The following PPP1R14B variants were observed in gnomAD, a reference collection of about 807,000 sequenced individuals.
PPP1R14B encodes the protein protein phosphatase 1 regulatory inhibitor subunit 14B.
A neutral mutation model predicts 14.7 loss-of-function variants in PPP1R14B; 4 were observed. That is an observed-to-expected ratio of 0.27 (90% CI 0.13 to 0.62). The LOEUF (loss-of-function observed/expected upper bound fraction) is 0.62, where lower values mean the gene tolerates loss of function less well. Among genes scored for constraint, PPP1R14B ranks in the 20% least tolerant of loss-of-function variants. The pLI is 0.85. For missense variants in PPP1R14B, 138 were observed against 201.5 expected (o/e 0.68, Z 1.91); for synonymous variants, 76 against 87.3 (o/e 0.87, Z 0.72).
In PPP1R14B at chr11:64,244,782, T is replaced by G. The variant is rs534892368; in HGVS notation, c.416A>C (p.Gln139Pro). 1 of 1,614,034 alleles carries G rather than the reference T, an allele frequency of 6.2e-7. No individual in the cohort carries two copies. The highest frequency in any genetic ancestry group is 1.3e-5 in the African/African-American group (1 of 75,034). Residue 139 changes from glutamine to proline, a missense_variant, in exon 4 of 4, where the codon CAG (glutamine) becomes CCG (proline). Physicochemically the swap from Gln to Pro is moderately conservative, Grantham distance 76. Transcript: ENST00000309318. ...SGLLDKIRGM[Q>P]KLSTPQKK is the part of the protein sequence containing the mutation. ...CTTCTTCTGGGGTGTGCTCAGCTTCTGCATGCCCCGGATCTTGTCCAGCAG... is the reference window on the plus strand; with the variant it reads ...CTTCTTCTGGGGTGTGCTCAGCTTCGGCATGCCCCGGATCTTGTCCAGCAG...
chr11:64,245,311 G>A (rs779843854), intron 1 of PPP1R14B, 24 bp from the exon 2 acceptor site: 63 of 1,590,352 alleles, frequency 4.0e-5, no homozygotes, highest in African/African-American at 2.0e-4. Context: ...GGGGGAGGAG[G>A]GAGAGACATA....
chr11:64,245,635 C>T (rs546589665), intron 1 of PPP1R14B: 3 of 265,232 alleles, frequency 1.1e-5, no homozygotes, highest in Non-Finnish European at 2.1e-5. Flanking sequence ...GCAGCTGTCC[C>T]AGCTTATCAT....
chr11:64,246,212 A>C, intron 1 of PPP1R14B: 1 of 646,620 alleles, frequency 1.5e-6, no homozygotes, highest in Non-Finnish European at 2.6e-6. Flanking sequence ...GATGGGGGGC[A>C]GGGTCCGAGG....
rs1306912802 is a variant in PPP1R14B at position 64,246,400 on chromosome 11, C to A, written c.258+16G>T. On this transcript the variant is annotated intron_variant, in intron 1 of 3. Coordinates refer to ENST00000309318, the MANE Select transcript of PPP1R14B (RefSeq NM_138689.3). The stretch of plus-strand genomic sequence containing the variant: ...CGAGACCGATTTTGGGGTGTCGGCG[C>A]GGGGTGGGAACACACCTGGCAGTCG... 2.5e-6 allele frequency: 4 copies of A among 1,601,232 alleles called. No individual in the cohort carries two copies. Among genetic ancestry groups the A allele is most frequent in the Non-Finnish European group, 3.4e-6 (4 of 1,174,928 alleles).
chr11:64,246,335 G>A (rs1032770049), intron 1 of PPP1R14B, 81 bp downstream of exon 1: 30 of 1,527,278 alleles, frequency 2.0e-5, no homozygotes, highest in Non-Finnish European at 2.5e-5. Context: ...TGACTCCAGT[G>A]ACAGGCGAGC....
chr11:64,246,531 C>T lies in PPP1R14B; in HGVS notation c.143G>A (p.Gly48Asp), dbSNP rs754799280. 3 of 1,609,652 alleles carry T rather than the reference C, an allele frequency of 1.9e-6. No individual in the cohort carries two copies. The highest frequency in any genetic ancestry group is 2.2e-5 in the East Asian group (1 of 44,814). Reference protein sequence around the residue: ...GEGPGGADDEGPVRRQGKVTV... With the variant: ...GEGPGGADDEDPVRRQGKVTV... The stretch of plus-strand genomic sequence containing the variant: ...GACCTTCCCTTGGCGCCTCACTGGG[C>T]CCTCATCGTCCGCCCCGCCCGGGCC... The change falls in exon 1 of 4, where the codon GGC becomes GAC. Residue 48 changes from glycine (G) to aspartate (D), a missense_variant. Physicochemically the swap from Gly to Asp is moderately conservative, Grantham distance 94. Transcript: ENST00000309318.
chr11:64,246,798 G>C lies in PPP1R14B; in HGVS notation c.-125C>G. The C allele has an allele frequency of 1.2e-6, 1 of 837,642 alleles. No individual in the cohort carries two copies. 51.9% of individuals were successfully genotyped at this position (837,642 alleles called of 1,614,324 possible). A position where few individuals can be genotyped will look rare whatever the true frequency, so the allele number is the denominator to read the frequency against. On this transcript the variant is annotated 5_prime_UTR_variant, in exon 1 of 4. Coordinates refer to ENST00000309318, the MANE Select transcript of PPP1R14B (RefSeq NM_138689.3). ...CGCGCGGCTCCGCGGCGAGGGCGGC[G>C]GCGGGGGCGCCCGGGGGCAGCTGCA...
chr11:64,245,278 TCTC>T lies in PPP1R14B; in HGVS notation c.265_267del (p.Glu89del). ...TCCACGTCAATCTCCAGTTCTGGGA[TCTC>T]CTCTTCCTGGGGTGGGGGTGGGGGA... is the stretch of plus-strand genomic sequence containing the variant. On this transcript the variant is annotated inframe_deletion, in exon 2 of 4. Coordinates refer to ENST00000309318, the MANE Select transcript of PPP1R14B (RefSeq NM_138689.3). 1 of 1,601,200 alleles carries T rather than the reference TCTC, an allele frequency of 6.2e-7. No homozygotes were observed. Among genetic ancestry groups the T allele is most frequent in the South Asian group, 1.1e-5 (1 of 90,712 alleles).
intron 1 of PPP1R14B, chr11:64,245,536 C>G (rs1443856004): frequency 6.0e-6 from 3 of 500,576 alleles, no homozygotes; most frequent in African/African-American, 2.0e-5. Context: ...CAAGGCCAGA[C>G]AGCCAGGGTT....
intron 1 of PPP1R14B, 117 bp from the exon 2 acceptor site, chr11:64,245,404 C>A: frequency 1.3e-6 from 1 of 793,216 alleles, no homozygotes; most frequent in Non-Finnish European, 2.1e-6. Context: ...CTCTGCCCAG[C>A]AGACAGAACA....
Position 64,246,635 on chromosome 11 carries a change from C to A in PPP1R14B, c.39G>T (p.Ala13=), listed in dbSNP as rs2030891289. The change falls in exon 1 of 4, where the codon GCG becomes GCT. Residue 13 remains alanine (A), a synonymous_variant. Coordinates refer to ENST00000309318, the MANE Select transcript of PPP1R14B (RefSeq NM_138689.3). The part of the protein sequence containing the change: ...DSGTAGGAAL[A]APAPGPGSGG... ...CACTGCCCGGCCCGGGGGCCGGGGC[C>A]GCCAACGCCGCGCCCCCCGCGGTGC... 1.6e-6 allele frequency: 2 copies of A among 1,269,516 alleles called. No homozygotes were observed. Among genetic ancestry groups the A allele is most frequent in the Non-Finnish European group, 2.0e-6 (2 of 1,002,402 alleles). The allele number at this position is 1,269,516 out of a possible 1,614,324, so 78.6% of individuals were successfully genotyped here.
intron 1 of PPP1R14B, 168 bp from the exon 2 acceptor site, chr11:64,245,455 A>C: frequency 6.5e-6 from 3 of 461,214 alleles, no homozygotes; most frequent in Non-Finnish European, 1.1e-5. Context: ...GCCCGTGCCA[A>C]GGCAAACTGC....
At chr11:64,244,873 A>C in intron 3 of PPP1R14B, 51 bp from the exon 4 acceptor site, 16 of 1,612,830 alleles carry the variant, frequency 9.9e-6, no homozygotes, top group Non-Finnish European at 1.4e-5. Context: ...CCAAGATGAC[A>C]GGAGCCGGGC....
In PPP1R14B at chr11:64,245,227, C is replaced by G; in HGVS notation, c.319G>C (p.Asp107His). ...ACCTTGACCCTGGCAGCCCGGGCAT[C>G]GTCACTCTCCATGTCCAGGAGCTCA... ...VDELLDMESD[D>H]ARAARVKELL... is the part of the protein sequence containing the mutation. The change falls in exon 2 of 4, where the codon GAT becomes CAT. Residue 107 changes from aspartate (D) to histidine (H), a missense_variant. Asp to His is a moderately conservative substitution (Grantham distance 81). Transcript: ENST00000309318. 6.2e-7 allele frequency: 1 copy of G among 1,613,534 alleles called. No homozygotes were observed. Among genetic ancestry groups the G allele is most frequent in the Non-Finnish European group, 8.5e-7 (1 of 1,179,648 alleles).
chr11:64,245,170 C>T (rs781305267), intron 2 of PPP1R14B, 34 bp downstream of exon 2: 1 of 1,604,028 alleles, frequency 6.2e-7, no homozygotes, highest in Non-Finnish European at 8.5e-7. Context: ...CGGGGCAGTG[C>T]CTCAGGCAAC....
intron 3 of PPP1R14B, 26 bp downstream of exon 3, chr11:64,244,904 C>T (rs759894419): frequency 1.2e-5 from 19 of 1,611,520 alleles, no homozygotes; most frequent in South Asian, 3.3e-5. Flanking sequence ...CTGCCACCCC[C>T]GCCAGCCCCC....
chr11:64,246,652 C>A lies in PPP1R14B; in HGVS notation c.22G>T (p.Gly8Trp). Residue 8 changes from glycine (G) to tryptophan (W), a missense_variant, in exon 1 of 4, where the codon GGG becomes TGG. This residue lies in a region of PPP1R14B where 22 missense variants were observed against 45.9 expected (regional missense o/e 0.48). Transcript: ENST00000309318. MADSGTA[G>W]GAALAAPAPG... is the part of the protein sequence containing the mutation. ...GCCGGGGCCGCCAACGCCGCGCCCC[C>A]CGCGGTGCCGCTGTCCGCCATGGCG... The A allele has an allele frequency of 2.4e-6, 3 of 1,228,566 alleles. No homozygotes were observed. The highest frequency in any genetic ancestry group is 3.1e-6 in the Non-Finnish European group (3 of 980,160). 76.1% of individuals were successfully genotyped at this position (1,228,566 alleles called of 1,614,324 possible).
chr11:64,244,844 A>C (rs1488996051), intron 3 of PPP1R14B, 22 bp from the exon 4 acceptor site: 1 of 1,613,906 alleles, frequency 6.2e-7, no homozygotes, highest in Non-Finnish European at 8.5e-7. Context: ...GGGAGGGTAA[A>C]CATTAAGGAG....
intron 1 of PPP1R14B, chr11:64,246,143 G>A: frequency 2.1e-6 from 1 of 465,186 alleles, no homozygotes; most frequent in East Asian, 3.8e-5. Context: ...TCTTGCCCAA[G>A]GCTCAGGCTA....
Sources: allele counts gnomAD v4.1 joint callset, GRCh38; gene constraint gnomAD v4.1.1; regional missense constraint gnomAD v4.1.1; transcripts MANE v1.5; gene names NCBI Gene and HGNC (gene_info 2026-07-23, HGNC 2026-07-21).